CNOT6L: variants seen among roughly 807,000 people sequenced by gnomAD.
The protein encoded by CNOT6L is CCR4-NOT transcription complex subunit 6-like.
Under a neutral mutation model 64.0 loss-of-function variants are expected in CNOT6L, and 7 were observed. The ratio of observed to expected loss-of-function variants is 0.11; its 90% CI spans 0.06 to 0.21. The LOEUF is 0.21. CNOT6L is among the 10% of genes least tolerant of loss of function. The pLI is 1.00. For missense variants in CNOT6L, 245 were observed against 669.0 expected (o/e 0.37, Z 6.99); for synonymous variants, 193 against 243.4 (o/e 0.79, Z 1.93).
chr4:77,718,684 C>T lies in CNOT6L; in HGVS notation c.*1747G>A, dbSNP rs536840073. 34 of 152,650 alleles carry T rather than the reference C, an allele frequency of 2.2e-4. No homozygotes were observed. Among genetic ancestry groups the T allele is most frequent in the Non-Finnish European group, 4.1e-4 (28 of 68,006 alleles). The allele number at this position is 152,650 out of a possible 1,614,324, so 9.5% of individuals were successfully genotyped here. The stretch of plus-strand genomic sequence containing the variant: ...TGATATGACATCATCCCACCACCCT[C>T]GTCCCACTAAAATTACCCTCTGGGG... On this transcript the variant is annotated 3_prime_UTR_variant, in exon 12 of 12. Coordinates refer to ENST00000504123, the MANE Select transcript of CNOT6L (RefSeq NM_144571.3).
At chr4:77,799,947 G>A (rs552577002) in intron 1 of CNOT6L, among the ~76,000 whole-genome samples, 3 of 151,348 alleles carry the variant, frequency 2.0e-5, no homozygotes, top group South Asian at 2.1e-4. Context: ...TTCCAATTTC[G>A]GGCTCTGCCT....
chr4:77,772,293 C>T (rs527945978), intron 4 of CNOT6L, among the ~76,000 whole-genome samples: 30 of 151,992 alleles, frequency 2.0e-4, no homozygotes, highest in Non-Finnish European at 8.8e-5. Context: ...AACACAGTGG[C>T]GCGATCTCGG....
intron 5 of CNOT6L, among the ~76,000 whole-genome samples, chr4:77,751,489 G>A (rs1295398441): frequency 6.6e-6 from 1 of 152,122 alleles, no homozygotes; most frequent in African/African-American, 2.4e-5. Context: ...TTCTATGAGA[G>A]AACAGGTGAA....
chr4:77,734,624 G>A (rs17448771), intron 8 of CNOT6L, among the ~76,000 whole-genome samples: 9,732 of 152,032 alleles, frequency 0.064, 467 homozygotes, highest in African/African-American at 0.13. Context: ...ATCTAAGAGC[G>A]GCAATCTTTA....
At chr4:77,752,406 A>G (rs1379175524) in intron 5 of CNOT6L, among the ~76,000 whole-genome samples, 3 of 152,194 alleles carry the variant, frequency 2.0e-5, no homozygotes, top group African/African-American at 7.2e-5. Flanking sequence ...AAACAAACTA[A>G]CATATAGGAT....
intron 5 of CNOT6L, among the ~76,000 whole-genome samples, chr4:77,754,348 T>A (rs1038259400): frequency 1.3e-5 from 2 of 152,162 alleles, no homozygotes; most frequent in African/African-American, 4.8e-5. Context: ...ATTAAGAAGT[T>A]AGTATTTAGA....
rs187981965 is a variant in CNOT6L at position 77,730,875 on chromosome 4, T to C, written c.1024+512A>G. Among the ~76,000 whole-genome samples the C allele has an allele frequency of 2.0e-5, 3 of 152,238 alleles. No homozygotes were observed. The South Asian group carries it at 6.2e-4, about 32-fold the overall frequency. The stretch of plus-strand genomic sequence containing the variant: ...AAAGGTCTGTGTATGAAGTACATAA[T>C]GAGTTTCTGACTCTGAAGGAAGCTA... On this transcript the variant is annotated intron_variant, in intron 9 of 11. Coordinates refer to ENST00000504123, the MANE Select transcript of CNOT6L (RefSeq NM_144571.3).
intron 2 of CNOT6L, 49 bp from the exon 3 acceptor site, chr4:77,774,765 G>T: frequency 7.9e-7 from 1 of 1,261,822 alleles, no homozygotes; most frequent in South Asian, 1.7e-5. Flanking sequence ...GGCCCAAGAT[G>T]ACACCTAAAC....
At chr4:77,763,361 T>C (rs1450158191) in intron 4 of CNOT6L, among the ~76,000 whole-genome samples, 2 of 152,074 alleles carry the variant, frequency 1.3e-5, no homozygotes, top group South Asian at 2.1e-4. Context: ...AAAATTGGCA[T>C]AGCTATATTA....
chr4:77,791,040 G>A (rs1293461674), intron 1 of CNOT6L, among the ~76,000 whole-genome samples: 2 of 152,058 alleles, frequency 1.3e-5, no homozygotes, highest in African/African-American at 2.4e-5. Flanking sequence ...CACTTCGGGA[G>A]GCTGAGGCGG....
At chr4:77,804,428 CAAAA>C (rs1185489525) in intron 1 of CNOT6L, among the ~76,000 whole-genome samples, 1 of 79,238 alleles carries the variant, frequency 1.3e-5, no homozygotes. Context: ...GACCCCATCT[CAAAA>C]AAAAAAAAAA....
Position 77,744,232 on chromosome 4 carries a change from CAG to C in CNOT6L, c.717+484_717+485del, listed in dbSNP as rs1045316374. On this transcript the variant is annotated intron_variant, in intron 7 of 11. Transcript: ENST00000504123. ...GTTCAATTTATAAAGTGCTATAAAACAGAAGAATCTAAATTTCAGAGATGGTT... is the reference window on the plus strand; with the variant it reads ...GTTCAATTTATAAAGTGCTATAAAACAAGAATCTAAATTTCAGAGATGGTT... Among the ~76,000 whole-genome samples, 132 of 151,970 alleles carry C rather than the reference CAG, an allele frequency of 8.7e-4. 1 individual carries two copies. Among genetic ancestry groups the C allele is most frequent in the African/African-American group, 3.1e-3 (130 of 41,464 alleles).
intron 1 of CNOT6L, among the ~76,000 whole-genome samples, chr4:77,812,283 C>T (rs956214663): frequency 1.3e-5 from 2 of 151,602 alleles, no homozygotes; most frequent in African/African-American, 4.9e-5. Flanking sequence ...ACTAAAAATA[C>T]AGAAATTAGC....
rs1342712748 is a variant in CNOT6L, at chr4:77,715,790, TA to T, written c.*4640del. ...TACCCTCAAGCTTTTAGGTGACACT[TA>T]TAAAGGTGAGCATATCATTCTATAA... On this transcript the variant is annotated 3_prime_UTR_variant, in exon 12 of 12. Coordinates refer to ENST00000504123, the MANE Select transcript of CNOT6L (RefSeq NM_144571.3). The T allele has an allele frequency of 2.0e-5, 3 of 152,546 alleles. No individual in the cohort carries two copies. The highest frequency in any genetic ancestry group is 4.4e-5 in the Non-Finnish European group (3 of 67,998). The allele number at this position is 152,546 out of a possible 1,614,324, so 9.4% of individuals were successfully genotyped here.
intron 9 of CNOT6L, 72 bp downstream of exon 9, chr4:77,731,312 CTCT>C (rs1171789628): frequency 7.0e-7 from 1 of 1,432,160 alleles, no homozygotes; most frequent in Non-Finnish European, 9.6e-7. Flanking sequence ...CGGCAAAATT[CTCT>C]TCACTTGTTT....
chr4:77,745,434 C>G (rs1724081837), intron 6 of CNOT6L, among the ~76,000 whole-genome samples: 1 of 152,140 alleles, frequency 6.6e-6, no homozygotes, highest in Non-Finnish European at 1.5e-5. Context: ...TGTGAGCAAA[C>G]TAATAGTAGA....
At chr4:77,746,546 A>C (rs1724221737) in intron 6 of CNOT6L, among the ~76,000 whole-genome samples, 1 of 152,214 alleles carries the variant, frequency 6.6e-6, no homozygotes, top group Non-Finnish European at 1.5e-5. Flanking sequence ...TTTTTCAATA[A>C]AGAAAACCCA....
Position 77,727,225 on chromosome 4 carries a change from C to T in CNOT6L, c.1253-856G>A, listed in dbSNP as rs1018525404. ...AAGTGCTTTATTCATGTAAATCTCA[C>T]AATTCTATGAAGTAGATAACATGAT... is the stretch of plus-strand genomic sequence containing the variant. On this transcript the variant is annotated intron_variant, in intron 10 of 11. Transcript: ENST00000504123. Among the ~76,000 whole-genome samples, 3 of 152,078 alleles carry T rather than the reference C, an allele frequency of 2.0e-5. No homozygotes were observed. The South Asian group carries it at 6.2e-4, about 31-fold the overall frequency.
intron 11 of CNOT6L, among the ~76,000 whole-genome samples, chr4:77,720,869 TA>T (rs1218114059): frequency 6.6e-6 from 1 of 152,172 alleles, no homozygotes; most frequent in Non-Finnish European, 1.5e-5. Context: ...CATTTGTGTG[TA>T]AGTGATAATT....
Sources: allele counts gnomAD v4.1 joint callset (sites outside exome capture counted in the v4.1 genomes callset), GRCh38; gene constraint gnomAD v4.1.1; transcripts MANE v1.5; gene names NCBI Gene and HGNC (gene_info 2026-07-23, HGNC 2026-07-21).